The following CDHR5 variants were observed in gnomAD, a reference collection of about 807,000 sequenced individuals.
The protein encoded by CDHR5 is cadherin-related family member 5.
A neutral mutation model predicts 69.5 loss-of-function variants in CDHR5; 82 were observed. The observed-to-expected ratio is 1.18, with a 90% CI of 0.99 to 1.42. The LOEUF (loss-of-function observed/expected upper bound fraction) is 1.42, where lower values mean the gene tolerates loss of function less well. CDHR5 is among the 40% of genes most tolerant of loss of function. The pLI is 0.00. For missense variants in CDHR5, 1,293 were observed against 1,168.9 expected (o/e 1.11, Z -1.55); for synonymous variants, 601 against 510.2 (o/e 1.18, Z -2.40).
rs769214978 is a variant in CDHR5 at position 621,504 on chromosome 11, G to A, written c.508-49C>T. On this transcript the variant is annotated intron_variant, in intron 5 of 14. Coordinates refer to ENST00000397542, the MANE Select transcript of CDHR5 (RefSeq NM_021924.5). The surrounding 1 kb of genome is among the most constrained non-coding windows in gnomAD (Gnocchi z 4.4). ...AGCCTAAGAGCCTTGGAGGGCGAGG[G>A]CGGCTGTGGGTGTCAGAGGCGAGGG... 47 of 1,594,102 alleles carry A rather than the reference G, an allele frequency of 2.9e-5. No individual in the cohort carries two copies. The highest frequency in any genetic ancestry group is 4.0e-5 in the Non-Finnish European group (47 of 1,162,242).
chr11:618,701 T>C lies in CDHR5; in HGVS notation c.1858A>G (p.Ser620Gly), dbSNP rs1484346357. Residue 620 changes from serine (S) to glycine (G), a missense_variant, in exon 13 of 15, where the codon AGC becomes GGC. Coordinates refer to ENST00000397542, the MANE Select transcript of CDHR5 (RefSeq NM_021924.5). ...SQPMPPGMGT[S>G]TSHQPTTPGG... is the part of the protein sequence containing the mutation. ...GGTGTGGTTGGTTGGTGGGAGGTGC[T>C]GGTTCCCATACCGGGGGGCATCGGC... 5.7e-6 allele frequency: 9 copies of C among 1,584,402 alleles called. No homozygotes were observed. The highest frequency in any genetic ancestry group is 2.2e-5 in the South Asian group (2 of 89,386).
In CDHR5 at chr11:618,596, T is replaced by C; in HGVS notation, c.1960+3A>G. On this transcript the variant is annotated splice_donor_region_variant and intron_variant, in intron 13 of 14. Transcript: ENST00000397542. ...GGAGGGAAGGCAACAGAGTGGGTGCTACCTGAAGATGGGGTGCTCTTGCTG... is the reference window on the plus strand; with the variant it reads ...GGAGGGAAGGCAACAGAGTGGGTGCCACCTGAAGATGGGGTGCTCTTGCTG... The C allele has an allele frequency of 6.2e-7, 1 of 1,613,864 alleles. No homozygotes were observed. The highest frequency in any genetic ancestry group is 8.5e-7 in the Non-Finnish European group (1 of 1,179,954).
rs1035719204 is a variant in CDHR5, at chr11:621,089, C to G, written c.780G>C (p.Gly260=). 2 of 1,540,398 alleles carry G rather than the reference C, an allele frequency of 1.3e-6. No homozygotes were observed. The highest frequency in any genetic ancestry group is 8.8e-7 in the Non-Finnish European group (1 of 1,141,638). The change falls in exon 7 of 15, where the codon GGG becomes GGC. Residue 260 remains glycine (G), a synonymous_variant. Coordinates refer to ENST00000397542, the MANE Select transcript of CDHR5 (RefSeq NM_021924.5). This position sits in a 1 kb window ranked among gnomAD's most constrained non-coding sequence, Gnocchi z 4.4. ...QAQYHGAVPT[G]HILPSPLVLR... Reference sequence around the variant, plus strand: ...CCTCCCTCCCCATTACCAGTATGTGCCCCGTGGGGACAGCCCCGTGGTACT... The same window carrying G: ...CCTCCCTCCCCATTACCAGTATGTGGCCCGTGGGGACAGCCCCGTGGTACT...
rs112006329 is a variant in CDHR5 at position 617,228 on chromosome 11, G to A, written c.*123C>T. ...GAGTGAATGGGACCCCCATGGACCC[G>A]CGCGCCTGCCCCACGCCATGGCCTG... is the stretch of plus-strand genomic sequence containing the variant. On this transcript the variant is annotated 3_prime_UTR_variant, in exon 15 of 15. Transcript: ENST00000397542. 188,228 of 724,684 alleles carry A rather than the reference G, an allele frequency of 0.26. 29,075 individuals carry two copies. Among genetic ancestry groups the A allele is most frequent in the African/African-American group, 0.51 (28,573 of 55,584 alleles). The allele number at this position is 724,684 out of a possible 1,614,324, so 44.9% of individuals were successfully genotyped here.
At position 617,551 on chromosome 11, in the gene CDHR5, T is replaced by C; in HGVS notation, c.2338A>G (p.Lys780Glu). The part of the protein sequence containing the change: ...SPTAVRSILT[K>E]ERRPEGGYKA... The stretch of plus-strand genomic sequence containing the variant: ...TACCCGCCCTCCGGCCGCCGCTCCT[T>C]GGTCAGGATGGACCTCACCGCCGTG... The change falls in exon 15 of 15, where the codon AAG (lysine) becomes GAG (glutamate). Residue 780 changes from lysine to glutamate, a missense_variant. Physicochemically the swap from Lys to Glu is moderately conservative, Grantham distance 56. Coordinates refer to ENST00000397542, the MANE Select transcript of CDHR5 (RefSeq NM_021924.5). 1.2e-6 allele frequency: 2 copies of C among 1,612,208 alleles called. No individual in the cohort carries two copies. Among genetic ancestry groups the C allele is most frequent in the South Asian group, 2.2e-5 (2 of 91,076 alleles).
chr11:624,617 G>A lies in CDHR5; in HGVS notation c.201C>T (p.Thr67=), dbSNP rs1157657098. 3.1e-6 allele frequency: 5 copies of A among 1,612,904 alleles called. No homozygotes were observed. The highest frequency in any genetic ancestry group is 4.2e-6 in the Non-Finnish European group (5 of 1,179,148). The stretch of plus-strand genomic sequence containing the variant: ...TTCCCTGGATCCGAAATGCAAAGGG[G>A]GTGGACAAGGCTCCGAGGGTCACCT... ...GQEVTLGALS[T]PFAFRIQGNQ... The change falls in exon 2 of 15, where the codon ACC becomes ACT. Residue 67 remains threonine (T), a synonymous_variant. Transcript: ENST00000397542. This position sits in a 1 kb window ranked among gnomAD's most constrained non-coding sequence, Gnocchi z 5.3.
In CDHR5 at chr11:618,758, T is replaced by A; in HGVS notation, c.1801A>T (p.Thr601Ser). The A allele has an allele frequency of 6.2e-7, 1 of 1,603,850 alleles. No individual in the cohort carries two copies. The highest frequency in any genetic ancestry group is 1.7e-5 in the Admixed American group (1 of 58,610). ...SHQPATPGGG[T>S]AQTPEAGTSQ... ...GTTCCTGCCTCTGGGGTCTGTGCTG[T>A]GCCCCCACCGGGTGTGGCTGGTTGG... The change falls in exon 13 of 15, where the codon ACA becomes TCA. Residue 601 changes from threonine (T) to serine (S), a missense_variant. Coordinates refer to ENST00000397542, the MANE Select transcript of CDHR5 (RefSeq NM_021924.5).
chr11:624,653 C>CG lies in CDHR5; in HGVS notation c.164dup (p.Glu56GlyfsTer30). Reference sequence around the variant, plus strand: ...CTCCGAGGGTCACCTCCTGGCCCTCCGGGACGTGGATGTCCACCAGCGGCT... The same window carrying CG: ...CTCCGAGGGTCACCTCCTGGCCCTCCGGGGACGTGGATGTCCACCAGCGGCT... On this transcript the variant is annotated frameshift_variant, in exon 2 of 15. Transcript: ENST00000397542. LOFTEE classifies it high-confidence loss of function. This position sits in a 1 kb window ranked among gnomAD's most constrained non-coding sequence, Gnocchi z 5.3. 1 of 1,613,582 alleles carries CG rather than the reference C, an allele frequency of 6.2e-7. No individual in the cohort carries two copies. The highest frequency in any genetic ancestry group is 8.5e-7 in the Non-Finnish European group (1 of 1,179,642).
chr11:616,724 G>A lies in CDHR5; in HGVS notation c.*627C>T, dbSNP rs1265112426. On this transcript the variant is annotated 3_prime_UTR_variant, in exon 15 of 15. Transcript: ENST00000397542. ...AGGGGAATGTGTCTCTCACCCCTAG[G>A]CCTCCTGGTCTGGCTCCTGCTCAGG... is the stretch of plus-strand genomic sequence containing the variant. 6.4e-6 allele frequency: 1 copy of A among 155,088 alleles called. No individual in the cohort carries two copies. Among genetic ancestry groups the A allele is most frequent in the Non-Finnish European group, 1.5e-5 (1 of 68,640 alleles). The allele number at this position is 155,088 out of a possible 1,614,324, so 9.6% of individuals were successfully genotyped here. A position where few individuals can be genotyped will look rare whatever the true frequency, so the allele number is the denominator to read the frequency against.
rs1226800120 is a variant in CDHR5, at chr11:619,356, G to A, written c.1328C>T (p.Ala443Val). Reference protein sequence around the residue: ...EAHNTVTSGTATTVIEIQVSE... With the variant: ...EAHNTVTSGTVTTVIEIQVSE... ...AACTTGTATCTCAATGACTGTGGTT[G>A]CGGTGCCAGAGGTCACCGTGTTGTG... Residue 443 changes from alanine to valine, a missense_variant, in exon 12 of 15, where the codon GCA becomes GTA. By Grantham distance (64) the Ala-to-Val change is moderately conservative. Coordinates refer to ENST00000397542, the MANE Select transcript of CDHR5 (RefSeq NM_021924.5). The A allele has an allele frequency of 6.2e-7, 1 of 1,613,708 alleles. No homozygotes were observed.
rs745476245 is a variant in CDHR5, at chr11:621,645, T to C, written c.424A>G (p.Thr142Ala). 2 of 1,613,292 alleles carry C rather than the reference T, an allele frequency of 1.2e-6. No individual in the cohort carries two copies. The highest frequency in any genetic ancestry group is 1.7e-6 in the Non-Finnish European group (2 of 1,179,436). ...TGCAGTTGCGTCTCGGGGATGACGG[T>C]GGAGTTCACTTTCGTGTCCTGGGGA... The part of the protein sequence containing the change: ...RVEEDTKVNS[T>A]VIPETQLQAE... Residue 142 changes from threonine (T) to alanine (A), a missense_variant, in exon 5 of 15, where the codon ACC (threonine) becomes GCC (alanine). Thr to Ala is a moderately conservative substitution (Grantham distance 58). Transcript: ENST00000397542. This position sits in a 1 kb window ranked among gnomAD's most constrained non-coding sequence, Gnocchi z 4.4.
chr11:621,827 C>T lies in CDHR5; in HGVS notation c.390G>A (p.Glu130=), dbSNP rs369905365. The T allele has an allele frequency of 4.2e-5, 67 of 1,613,362 alleles. No individual in the cohort carries two copies. Among genetic ancestry groups the T allele is most frequent in the Non-Finnish European group, 5.6e-5 (66 of 1,179,670 alleles). Residue 130 remains glutamate (E), a synonymous_variant, in exon 4 of 15, where the codon GAG becomes GAA. Coordinates refer to ENST00000397542, the MANE Select transcript of CDHR5 (RefSeq NM_021924.5). The surrounding 1 kb of genome is among the most constrained non-coding windows in gnomAD (Gnocchi z 4.4). ...NAPEFPFKTK[E]IRVEEDTKVN... is the part of the protein sequence containing the mutation. ...CTGGCCTCACCTCCTCCACCCTTATCTCCTTGGTCTTAAAGGGGAATTCGG... is the reference window on the plus strand; with the variant it reads ...CTGGCCTCACCTCCTCCACCCTTATTTCCTTGGTCTTAAAGGGGAATTCGG...
Position 617,622 on chromosome 11 carries a change from C to T in CDHR5, c.2267G>A (p.Gly756Asp). The T allele has an allele frequency of 6.3e-7, 1 of 1,592,934 alleles. No homozygotes were observed. The highest frequency in any genetic ancestry group is 8.5e-7 in the Non-Finnish European group (1 of 1,170,258). ...CGCTGCGGGGGGCTCAGGGGCACCG[C>T]CTGGGGAGGCAGGGCCGGGGGGTGC... ...EPAPPGPASP[G>D]GAPEPPAAAR... The change falls in exon 15 of 15, where the codon GGC becomes GAC. Residue 756 changes from glycine (G) to aspartate (D), a missense_variant. By Grantham distance (94) the Gly-to-Asp change is moderately conservative. Coordinates refer to ENST00000397542, the MANE Select transcript of CDHR5 (RefSeq NM_021924.5).
chr11:617,261 G>A lies in CDHR5; in HGVS notation c.*90C>T. 1 of 1,099,406 alleles carries A rather than the reference G, an allele frequency of 9.1e-7. No homozygotes were observed. Among genetic ancestry groups the A allele is most frequent in the Non-Finnish European group, 1.3e-6 (1 of 764,236 alleles). 68.1% of individuals were successfully genotyped at this position (1,099,406 alleles called of 1,614,324 possible). On this transcript the variant is annotated 3_prime_UTR_variant, in exon 15 of 15. Transcript: ENST00000397542. Reference sequence around the variant, plus strand: ...GCCCCACGCCATGGCCTGGGTTTCGGGAGCCTTGCTTTATTCTGCCTCGGG... The same window carrying A: ...GCCCCACGCCATGGCCTGGGTTTCGAGAGCCTTGCTTTATTCTGCCTCGGG...
At chr11:622,720 C>A (rs879734514) in intron 3 of CDHR5, among the ~76,000 whole-genome samples, 9 of 152,074 alleles carry the variant, frequency 5.9e-5, no homozygotes, top group Non-Finnish European at 8.8e-5. Context: ...AGGTGATCTA[C>A]CCGCCTCGGC....
Position 616,865 on chromosome 11 carries a change from G to T in CDHR5, c.*486C>A, listed in dbSNP as rs3758650. The stretch of plus-strand genomic sequence containing the variant: ...AGAAGGGGACTAGGACCCCCGGCAG[G>T]TGTTTGAGACCACCGGCTCCCAAGT... On this transcript the variant is annotated 3_prime_UTR_variant, in exon 15 of 15. Transcript: ENST00000397542. The T allele has an allele frequency of 5.6e-6, 1 of 179,060 alleles. No individual in the cohort carries two copies. Among genetic ancestry groups the T allele is most frequent in the Non-Finnish European group, 1.2e-5 (1 of 82,856 alleles). The allele number at this position is 179,060 out of a possible 1,614,324, so 11.1% of individuals were successfully genotyped here.
rs116005854 is a variant in CDHR5 at position 619,870 on chromosome 11, G to T, written c.990C>A (p.Ala330=). The change falls in exon 10 of 15, where the codon GCC becomes GCA. Residue 330 remains alanine, a synonymous_variant. Coordinates refer to ENST00000397542, the MANE Select transcript of CDHR5 (RefSeq NM_021924.5). The part of the protein sequence containing the change: ...TFLLLVKGQQ[A]DLARYSVTQV... Reference sequence around the variant, plus strand: ...GGGTCACTGAGTAGCGGGCAAGGTCGGCCTGTTGGCCCTGGAGGCGGGGGA... The same window carrying T: ...GGGTCACTGAGTAGCGGGCAAGGTCTGCCTGTTGGCCCTGGAGGCGGGGGA... 3 of 1,546,128 alleles carry T rather than the reference G, an allele frequency of 1.9e-6. No homozygotes were observed. The highest frequency in any genetic ancestry group is 2.6e-6 in the Non-Finnish European group (3 of 1,149,340).
At position 617,346 on chromosome 11, in the gene CDHR5, G is replaced by A. The variant is rs1006973248; in HGVS notation, c.*5C>T. The A allele has an allele frequency of 9.5e-6, 15 of 1,585,226 alleles. No homozygotes were observed. Among genetic ancestry groups the A allele is most frequent in the South Asian group, 4.5e-5 (4 of 89,682 alleles). ...TGCGGCTGGGGGAGAGGGTGGAGGG[G>A]CCACTTAGATGTAGGAGTCATCACC... On this transcript the variant is annotated 3_prime_UTR_variant, in exon 15 of 15. Coordinates refer to ENST00000397542, the MANE Select transcript of CDHR5 (RefSeq NM_021924.5).
At position 621,718 on chromosome 11, in the gene CDHR5, A is replaced by G; in HGVS notation, c.406-55T>C. 1 of 1,550,474 alleles carries G rather than the reference A, an allele frequency of 6.4e-7. No homozygotes were observed. The highest frequency in any genetic ancestry group is 8.9e-7 in the Non-Finnish European group (1 of 1,123,552). ...ACACTCTTGGCCCCTGTGGACCCCCACTGTGGTTGAGCCCCCGGCCACCAC... is the reference window on the plus strand; with the variant it reads ...ACACTCTTGGCCCCTGTGGACCCCCGCTGTGGTTGAGCCCCCGGCCACCAC... On this transcript the variant is annotated intron_variant, in intron 4 of 14. Coordinates refer to ENST00000397542, the MANE Select transcript of CDHR5 (RefSeq NM_021924.5). The surrounding 1 kb of genome is among the most constrained non-coding windows in gnomAD (Gnocchi z 4.4).
Sources: allele counts gnomAD v4.1 joint callset (sites outside exome capture counted in the v4.1 genomes callset), GRCh38; gene constraint gnomAD v4.1.1; non-coding constraint Gnocchi (gnomAD v3.1); transcripts MANE v1.5; gene names NCBI Gene and HGNC (gene_info 2026-07-23, HGNC 2026-07-21).